ADGRL3: variants seen among roughly 807,000 people sequenced by gnomAD.
ADGRL3 encodes the protein adhesion G protein-coupled receptor L3.
In ADGRL3, 62 loss-of-function variants were observed where a neutral mutation model predicts 153.5. That is an observed-to-expected ratio of 0.40 (90% CI 0.33 to 0.50). The LOEUF is 0.50. Among genes scored for constraint, ADGRL3 ranks in the 20% least tolerant of loss-of-function variants. The probability of loss-of-function intolerance (pLI) is 0.47; values close to 1 mark genes in which losing one functional copy is unlikely to be tolerated. For synonymous variants in ADGRL3, 710 were observed against 672.5 expected (o/e 1.06, Z -0.86); for missense variants, 1,641 against 1,859.4 (o/e 0.88, Z 2.16).
intron 5 of ADGRL3, among the ~76,000 whole-genome samples, chr4:61,608,475 A>G (rs2149640824): frequency 6.6e-6 from 1 of 152,358 alleles, no homozygotes; most frequent in East Asian, 1.9e-4. Flanking sequence ...AACTGAGGCG[A>G]ATATTAGAAA....
chr4:61,648,349 CT>C (rs34166403), intron 5 of ADGRL3, among the ~76,000 whole-genome samples: 113 of 99,652 alleles, frequency 1.1e-3, no homozygotes, highest in African/African-American at 1.8e-3. Context: ...ATGAAATCGG[CT>C]TTTTTTTTTT....
chr4:61,704,926 T>C (rs1041016946), intron 6 of ADGRL3, among the ~76,000 whole-genome samples: 1 of 152,204 alleles, frequency 6.6e-6, no homozygotes, highest in Non-Finnish European at 1.5e-5. Context: ...GACTCCATTT[T>C]TAATTCTAGT....
chr4:61,328,596 CATTT>C (rs1490598368), intron 1 of ADGRL3, among the ~76,000 whole-genome samples: 1 of 152,150 alleles, frequency 6.6e-6, no homozygotes, highest in Non-Finnish European at 1.5e-5. Context: ...TAAACATATG[CATTT>C]ATTTATTTGT....
At chr4:62,021,516 A>G (rs1054683461) in intron 21 of ADGRL3, among the ~76,000 whole-genome samples, 6 of 152,164 alleles carry the variant, frequency 3.9e-5, no homozygotes, top group African/African-American at 1.2e-4. Context: ...GCATACAGGC[A>G]TACCTCATTT....
At chr4:61,624,270 T>G (rs1449816293) in intron 5 of ADGRL3, among the ~76,000 whole-genome samples, 1 of 152,162 alleles carries the variant, frequency 6.6e-6, no homozygotes, top group East Asian at 1.9e-4. Context: ...AGAGTAGATA[T>G]TCAAACTGGA....
chr4:61,592,471 A>G (rs961541108), intron 5 of ADGRL3, among the ~76,000 whole-genome samples: 1 of 152,212 alleles, frequency 6.6e-6, no homozygotes, highest in Non-Finnish European at 1.5e-5. Flanking sequence ...AAAGAAAGGC[A>G]TAGAACCTAT....
rs935766237 is a variant in ADGRL3 at position 61,202,179 on chromosome 4, T to G, written c.-240+414T>G. 1.3e-5 allele frequency: 2 copies of G among 153,428 alleles called. No homozygotes were observed. The highest frequency in any genetic ancestry group is 2.4e-5 in the African/African-American group (1 of 41,472). 9.5% of individuals were successfully genotyped at this position (153,428 alleles called of 1,614,324 possible). On this transcript the variant is annotated intron_variant, in intron 1 of 26. Transcript: ENST00000683033. This position sits in a 1 kb window ranked among gnomAD's most constrained non-coding sequence, Gnocchi z 5.0. ...GGAGGGCGACTTTTCTCCGTCAGGC[T>G]GGAACTGGTGCCGCTGGAGGCGGGA...
chr4:61,650,045 C>A (rs2094188874), intron 5 of ADGRL3, among the ~76,000 whole-genome samples: 1 of 152,100 alleles, frequency 6.6e-6, no homozygotes, highest in African/African-American at 2.4e-5. Context: ...CTGTTTCCTG[C>A]TCTTTTGGAA....
intron 4 of ADGRL3, among the ~76,000 whole-genome samples, chr4:61,582,896 TTC>T (rs1382711535): frequency 1.3e-5 from 2 of 152,042 alleles, no homozygotes; most frequent in African/African-American, 4.8e-5. Flanking sequence ...TTCATCCCTC[TTC>T]TCTTACTCTA....
chr4:61,485,987 C>T (rs544009184), intron 2 of ADGRL3, among the ~76,000 whole-genome samples: 14 of 151,828 alleles, frequency 9.2e-5, no homozygotes, highest in Admixed American at 2.0e-4. Context: ...TCTGTCGCCC[C>T]GGCTGGAGTG....
At chr4:61,235,960 G>A (rs1022846595) in intron 1 of ADGRL3, among the ~76,000 whole-genome samples, 1 of 149,156 alleles carries the variant, frequency 6.7e-6, no homozygotes, top group Non-Finnish European at 1.5e-5. Flanking sequence ...TCATGAGAGA[G>A]CATTTATTTC....
intron 1 of ADGRL3, among the ~76,000 whole-genome samples, chr4:61,289,836 C>T (rs1163518167): frequency 6.6e-6 from 1 of 152,050 alleles, no homozygotes; most frequent in African/African-American, 2.4e-5. Context: ...TACTTACAAG[C>T]TGTGTGACCC....
At chr4:61,500,283 C>T (rs937688517) in intron 3 of ADGRL3, among the ~76,000 whole-genome samples, 3 of 152,080 alleles carry the variant, frequency 2.0e-5, no homozygotes, top group Non-Finnish European at 4.4e-5. Flanking sequence ...TATTTTAAAA[C>T]TTTGTACCTG....
chr4:61,554,324 G>C (rs1467954276), intron 4 of ADGRL3, among the ~76,000 whole-genome samples: 1 of 151,842 alleles, frequency 6.6e-6, no homozygotes, highest in Non-Finnish European at 1.5e-5. Context: ...CTCCAGATTA[G>C]CTGGGATTAC....
intron 1 of ADGRL3, among the ~76,000 whole-genome samples, chr4:61,218,947 A>C (rs1384069593): frequency 6.6e-6 from 1 of 152,214 alleles, no homozygotes; most frequent in Non-Finnish European, 1.5e-5. Flanking sequence ...TAATAAGATC[A>C]GATTTTCATT....
At chr4:61,235,980 C>T (rs1031395280) in intron 1 of ADGRL3, among the ~76,000 whole-genome samples, 20 of 134,636 alleles carry the variant, frequency 1.5e-4, no homozygotes, top group Non-Finnish European at 4.9e-5. Context: ...CCTATATGTG[C>T]TTTCTTTATC....
intron 1 of ADGRL3, among the ~76,000 whole-genome samples, chr4:61,357,583 A>G (rs2096200021): frequency 6.6e-6 from 1 of 152,124 alleles, no homozygotes; most frequent in South Asian, 2.1e-4. Context: ...CACTGTGAGT[A>G]TTTTAAAGAG....
At chr4:61,252,530 T>A (rs1759682117) in intron 1 of ADGRL3, among the ~76,000 whole-genome samples, 1 of 152,224 alleles carries the variant, frequency 6.6e-6, no homozygotes, top group Non-Finnish European at 1.5e-5. Flanking sequence ...GTAGTTGTAA[T>A]TGTGTTTCAG....
intron 1 of ADGRL3, among the ~76,000 whole-genome samples, chr4:61,259,864 A>G (rs1026428362): frequency 6.6e-6 from 1 of 152,168 alleles, no homozygotes; most frequent in African/African-American, 2.4e-5. Context: ...GGCCTGTGAC[A>G]TATTAGATTT....
Sources: gnomAD v4.1 joint callset for allele counts (sites outside exome capture counted in the v4.1 genomes callset) on GRCh38, gnomAD v4.1.1 for gene constraint, Gnocchi (gnomAD v3.1) non-coding constraint, MANE v1.5 for transcripts, NCBI Gene and HGNC (gene_info 2026-07-23, HGNC 2026-07-21) for gene names.